TTC23: variants seen among roughly 807,000 people sequenced by gnomAD.
The protein encoded by TTC23 is tetratricopeptide repeat domain 23.
In TTC23, 58 loss-of-function variants were observed where a neutral mutation model predicts 55.1. The observed-to-expected ratio is 1.05, with a 90% confidence interval of 0.85 to 1.31. The LOEUF (loss-of-function observed/expected upper bound fraction) is 1.31, where lower values mean the gene tolerates loss of function less well. Among genes scored for constraint, TTC23 ranks in the 50% most tolerant of loss-of-function variants. The probability of loss-of-function intolerance (pLI) is 0.00; values close to 1 mark genes in which losing one functional copy is unlikely to be tolerated. For synonymous variants in TTC23, 203 were observed against 199.9 expected (o/e 1.02, Z -0.13); for missense variants, 516 against 534.4 (o/e 0.97, Z 0.34).
At position 99,168,029 on chromosome 15, in the gene TTC23, G is replaced by C. The variant is rs76086606; in HGVS notation, c.866-6162C>G. ...GTCTGCTAGCTTGTGGAGGCCACAC[G>C]GGAAGCCTGAGAACACATAAAGCCC... On this transcript the variant is annotated intron_variant, in intron 10 of 13. Coordinates refer to ENST00000394132, the MANE Select transcript of TTC23 (RefSeq NM_001288615.3). 6.0e-3 allele frequency among the ~76,000 whole-genome samples: 910 copies of C among 152,264 alleles called. 63 individuals carry two copies. The East Asian group carries it at 0.15, about 25-fold the overall frequency.
chr15:99,185,989 A>G (rs2602021), intron 9 of TTC23, among the ~76,000 whole-genome samples: 107,994 of 152,152 alleles, frequency 0.71, 39,276 homozygotes, highest in African/African-American at 0.87. Flanking sequence ...GAAAAACAAC[A>G]GGGAAAAATA....
Position 99,214,852 on chromosome 15 carries a change from CTTTTTTT to C in TTC23, c.581+3729_581+3735del, listed in dbSNP as rs777804106. Among the ~76,000 whole-genome samples, 3 of 99,876 alleles carry C rather than the reference CTTTTTTT, an allele frequency of 3.0e-5. No individual in the cohort carries two copies. In the Admixed American group the frequency reaches 3.6e-4, roughly 12 times the overall value. The allele number at this position is 99,876 out of a possible 152,430, so 65.5% of individuals were successfully genotyped here. On this transcript the variant is annotated intron_variant, in intron 8 of 13. Coordinates refer to ENST00000394132, the MANE Select transcript of TTC23 (RefSeq NM_001288615.3). ...GTTTCCTGCCCATCTTTCTTTTCTC[CTTTTTTT>C]TTTTTTTTTTTTTGAGATGGAGTTT... is the stretch of plus-strand genomic sequence containing the variant.
At chr15:99,181,653 C>T (rs914907251) in intron 9 of TTC23, among the ~76,000 whole-genome samples, 10 of 152,180 alleles carry the variant, frequency 6.6e-5, no homozygotes, top group Non-Finnish European at 8.8e-5. Flanking sequence ...GACAGGGTCA[C>T]GTTGCAGCCC....
At chr15:99,175,538 A>G (rs140232252) in intron 9 of TTC23, among the ~76,000 whole-genome samples, 5 of 152,354 alleles carry the variant, frequency 3.3e-5, no homozygotes, top group Non-Finnish European at 7.3e-5. Flanking sequence ...GCCAGCCCCA[A>G]AAGTGGGACC....
chr15:99,228,121 C>T (rs1341696749), intron 5 of TTC23, among the ~76,000 whole-genome samples: 1 of 152,072 alleles, frequency 6.6e-6, no homozygotes, highest in South Asian at 2.1e-4. Flanking sequence ...ATGAAGAGGA[C>T]CCAACATATA....
At chr15:99,231,713 CG>C (rs1282359201) in intron 4 of TTC23, among the ~76,000 whole-genome samples, 1 of 152,028 alleles carries the variant, frequency 6.6e-6, no homozygotes, top group Non-Finnish European at 1.5e-5. Flanking sequence ...AGGATGGTCT[CG>C]ATCTCCTGAC....
At chr15:99,205,464 C>T (rs1267985016) in intron 8 of TTC23, among the ~76,000 whole-genome samples, 1 of 152,016 alleles carries the variant, frequency 6.6e-6, no homozygotes, top group Non-Finnish European at 1.5e-5. Context: ...CATTTTCTGT[C>T]ATCAATGTTT....
intron 11 of TTC23, among the ~76,000 whole-genome samples, chr15:99,161,325 T>A (rs970556976): frequency 2.0e-5 from 3 of 152,158 alleles, no homozygotes; most frequent in Admixed American, 2.0e-4. Context: ...TAAATCACGC[T>A]TGTACGAATC....
intron 8 of TTC23, among the ~76,000 whole-genome samples, chr15:99,210,503 T>A (rs2076959597): frequency 6.6e-6 from 1 of 152,148 alleles, no homozygotes; most frequent in African/African-American, 2.4e-5. Flanking sequence ...GCACATAGTG[T>A]CCCACAGGAG....
At position 99,200,051 on chromosome 15, in the gene TTC23, A is replaced by G. The variant is rs547911387; in HGVS notation, c.627T>C (p.Tyr209=). ...QKKSKEALSH[Y]QAALEYVEIS... Reference sequence around the variant, plus strand: ...TCTCAACATATTCCAAAGCTGCTTGATAGTGGGACAAAGCTTCTTTTGACT... The same window carrying G: ...TCTCAACATATTCCAAAGCTGCTTGGTAGTGGGACAAAGCTTCTTTTGACT... The change falls in exon 9 of 14, where the codon TAT becomes TAC. Residue 209 remains tyrosine (Y), a synonymous_variant. Coordinates refer to ENST00000394132, the MANE Select transcript of TTC23 (RefSeq NM_001288615.3). 6 of 1,613,118 alleles carry G rather than the reference A, an allele frequency of 3.7e-6. No homozygotes were observed. The highest frequency in any genetic ancestry group is 2.7e-5 in the African/African-American group (2 of 75,026).
intron 9 of TTC23, among the ~76,000 whole-genome samples, chr15:99,189,918 T>C (rs1002178050): frequency 6.6e-6 from 1 of 152,188 alleles, no homozygotes; most frequent in African/African-American, 2.4e-5. Context: ...GATTCATGCC[T>C]GTAATCCCAG....
At chr15:99,215,594 A>C (rs1186958631) in intron 8 of TTC23, among the ~76,000 whole-genome samples, 1 of 151,854 alleles carries the variant, frequency 6.6e-6, no homozygotes, top group Non-Finnish European at 1.5e-5. Context: ...AAAATACAAA[A>C]AGTTAGCTGG....
At chr15:99,250,996 AATCT>A (rs1249657880), upstream of TTC23, among the ~76,000 whole-genome samples, 2 of 152,182 alleles carry the variant, frequency 1.3e-5, no homozygotes, top group African/African-American at 2.4e-5. Flanking sequence ...TCAACGAGAT[AATCT>A]ATAAACAGCT....
chr15:99,155,974 C>CTA, intron 12 of TTC23, 174 bp downstream of exon 12: 1 of 750,186 alleles, frequency 1.3e-6, no homozygotes, highest in Non-Finnish European at 2.1e-6. Context: ...AAGAGGCTTA[C>CTA]TATGTCTTTT....
chr15:99,186,249 GTTA>G, intron 9 of TTC23, among the ~76,000 whole-genome samples: 1 of 152,282 alleles, frequency 6.6e-6, no homozygotes, highest in South Asian at 2.1e-4. Flanking sequence ...TATTTTGTAG[GTTA>G]TTTTTTTAAG....
At chr15:99,170,869 C>CACACGTGCA (rs2072831333) in intron 10 of TTC23, among the ~76,000 whole-genome samples, 1 of 152,240 alleles carries the variant, frequency 6.6e-6, no homozygotes, top group African/African-American at 2.4e-5. Context: ...GCTGATTCCC[C>CACACGTGCA]ACACGTGCAA....
chr15:99,155,972 T>C (rs2070486431), intron 12 of TTC23, 176 bp downstream of exon 12: 2 of 731,696 alleles, frequency 2.7e-6, no homozygotes, highest in South Asian at 2.1e-5. Context: ...CTAAGAGGCT[T>C]ACTATGTCTT....
At chr15:99,237,849 T>C (rs868288237) in intron 3 of TTC23, among the ~76,000 whole-genome samples, 1 of 152,186 alleles carries the variant, frequency 6.6e-6, no homozygotes, top group African/African-American at 2.4e-5. Flanking sequence ...AAAAATCATA[T>C]ATATAGACCA....
At chr15:99,248,199 T>C (rs771590006) in intron 1 of TTC23, 1 of 152,186 alleles carries the variant, frequency 6.6e-6, no homozygotes, top group Non-Finnish European at 1.5e-5. Context: ...TGTGTGCCAG[T>C]ATTTACACAG....
Sources: allele counts gnomAD v4.1 joint callset (sites outside exome capture counted in the v4.1 genomes callset), GRCh38; gene constraint gnomAD v4.1.1; transcripts MANE v1.5; gene names NCBI Gene and HGNC (gene_info 2026-07-23, HGNC 2026-07-21).